ASXL1: variants seen among roughly 807,000 people sequenced by gnomAD.
ASXL1 encodes polycomb group protein ASXL1.
ASXL1 carries 65 observed loss-of-function variants against 89.1 expected under a neutral mutation model. The ratio of observed to expected loss-of-function variants is 0.73; its 90% CI spans 0.60 to 0.90. ASXL1 has a LOEUF of 0.90. ASXL1 is among the 40% of genes least tolerant of loss of function. ASXL1 has a pLI of 0.00. For missense variants in ASXL1, 1,786 were observed against 1,942.9 expected, an observed-to-expected ratio of 0.92 and a Z score of 1.52; for synonymous variants, 739 against 746.9, an observed-to-expected ratio of 0.99 and a Z score of 0.17.
At chr20:32,434,295 T>C in intron 12 of ASXL1, 137 bp from the exon 13 acceptor site, 1 of 1,137,322 alleles carries the variant, frequency 8.8e-7, no homozygotes, top group Non-Finnish European at 1.3e-6. Flanking sequence ...TTTACTATGA[T>C]GATTTCATTG....
intron 4 of ASXL1, 66 bp from the exon 5 acceptor site, chr20:32,428,062 G>T: frequency 1.9e-6 from 3 of 1,604,992 alleles, no homozygotes; most frequent in Non-Finnish European, 1.7e-6. Flanking sequence ...ACACATTTAG[G>T]AATGACTGCC....
intron 4 of ASXL1, among the ~76,000 whole-genome samples, chr20:32,406,478 G>A (rs530485230): frequency 7.2e-4 from 109 of 152,262 alleles, no homozygotes; most frequent in Middle Eastern, 3.4e-3. Flanking sequence ...TTGAGCCCAG[G>A]AGGTCAAGGC....
chr20:32,358,483 G>A lies in ASXL1; in HGVS notation c.-293G>A, dbSNP rs1184855480. On this transcript the variant is annotated 5_prime_UTR_variant, in exon 1 of 13. Coordinates refer to ENST00000375687, the MANE Select transcript of ASXL1 (RefSeq NM_015338.6). ...CGGAGCCGTGACCTCTGACCCCGTG[G>A]TTATGCGGAGCCGCCGCATTCCTTA... 2 of 230,892 alleles carry A rather than the reference G, an allele frequency of 8.7e-6. No homozygotes were observed. Among genetic ancestry groups the A allele is most frequent in the Middle Eastern group, 1.3e-3 (1 of 796 alleles). 14.3% of individuals were successfully genotyped at this position (230,892 alleles called of 1,614,324 possible).
chr20:32,436,952 C>A lies in ASXL1; in HGVS notation c.4240C>A (p.Pro1414Thr), dbSNP rs375106070. 1.2e-6 allele frequency: 2 copies of A among 1,614,034 alleles called. No individual in the cohort carries two copies. The highest frequency in any genetic ancestry group is 1.7e-5 in the Admixed American group (1 of 60,008). Reference sequence around the variant, plus strand: ...CATGGACTTGCCCTTCTGGAAATTACCCCGAGAGCCAGGGAAGGGGCTCAG... The same window carrying A: ...CATGGACTTGCCCTTCTGGAAATTAACCCGAGAGCCAGGGAAGGGGCTCAG... ...FVMDLPFWKL[P>T]REPGKGLSEP... Residue 1414 changes from proline to threonine, a missense_variant, in exon 13 of 13, where the codon CCC becomes ACC. Coordinates refer to ENST00000375687, the MANE Select transcript of ASXL1 (RefSeq NM_015338.6).
At chr20:32,391,629 A>G (rs2048672856) in intron 4 of ASXL1, among the ~76,000 whole-genome samples, 2 of 152,272 alleles carry the variant, frequency 1.3e-5, no homozygotes, top group South Asian at 4.1e-4. Flanking sequence ...AGCTGAGAGT[A>G]CAGGTGTGTG....
intron 4 of ASXL1, among the ~76,000 whole-genome samples, chr20:32,380,423 T>G (rs1222707957): frequency 6.6e-6 from 1 of 152,204 alleles, no homozygotes; most frequent in East Asian, 1.9e-4. Context: ...ACAATTAAAA[T>G]TTTTGTGTAC....
chr20:32,403,445 C>CGGGCTGGGCTGTGT (rs2048908001), intron 4 of ASXL1, among the ~76,000 whole-genome samples: 2 of 152,136 alleles, frequency 1.3e-5, no homozygotes, highest in Non-Finnish European at 2.9e-5. Flanking sequence ...GAGACAGCCT[C>CGGGCTGGGCTGTGT]AGTGTTTTGC....
intron 6 of ASXL1, chr20:32,428,649 A>C (rs1281031962): frequency 1.7e-5 from 3 of 176,904 alleles, no homozygotes; most frequent in East Asian, 8.8e-5. Flanking sequence ...GATTTTGTTC[A>C]TTCTTTTTTT....
At position 32,436,225 on chromosome 20, in the gene ASXL1, G is replaced by C. The variant is rs150391716; in HGVS notation, c.3513G>C (p.Arg1171Ser). ...MVDGSSPSSL[R>S]ALKEPLLPDS... ...ATGGAAGCAGCCCCAGTTCTTTAAG[G>C]GCTTTGAAGGAGCCTCTTCTGCCAG... The change falls in exon 13 of 13, where the codon AGG becomes AGC. Residue 1171 changes from arginine to serine, a missense_variant. Arg to Ser is a moderately radical substitution (Grantham distance 110). Transcript: ENST00000375687. The C allele has an allele frequency of 1.9e-6, 3 of 1,614,192 alleles. No individual in the cohort carries two copies. Among genetic ancestry groups the C allele is most frequent in the Non-Finnish European group, 2.5e-6 (3 of 1,180,036 alleles).
At chr20:32,434,071 G>A in intron 12 of ASXL1, 154 bp downstream of exon 12, 1 of 1,083,584 alleles carries the variant, frequency 9.2e-7, no homozygotes, top group Non-Finnish European at 1.3e-6. Context: ...TTCAAGTTTA[G>A]TGAGATAGGT....
rs377437946 is a variant in ASXL1, at chr20:32,392,268, C to G, written c.252+23145C>G. 3.2e-4 allele frequency among the ~76,000 whole-genome samples: 48 copies of G among 151,260 alleles called. 2 individuals carry two copies. The South Asian group carries it at 9.8e-3, about 31-fold the overall frequency. On this transcript the variant is annotated intron_variant, in intron 4 of 12. Coordinates refer to ENST00000375687, the MANE Select transcript of ASXL1 (RefSeq NM_015338.6). ...AAGCTGGGATTACAGGCGTGTGCCA[C>G]CAAGCCTAGCTGATTTTTTTTTTTT...
intron 4 of ASXL1, among the ~76,000 whole-genome samples, chr20:32,411,536 CTTTTTTT>C (rs749530241): frequency 0.028 from 3,491 of 123,884 alleles, 117 homozygotes; most frequent in Admixed American, 0.1. Flanking sequence ...CCATGGATTC[CTTTTTTT>C]TTTTTTTTTT....
rs191937197 is a variant in ASXL1, at chr20:32,365,378, G to T, written c.58-1006G>T. 2.7e-3 allele frequency among the ~76,000 whole-genome samples: 415 copies of T among 152,260 alleles called. 4 individuals are homozygous for T. Among genetic ancestry groups the T allele is most frequent in the African/African-American group, 9.6e-3 (398 of 41,558 alleles). ...CTTGACTTTGGTGCTGAGGTCTTAT[G>T]TTCTTCCATAGAGAGTACCTTCCGC... is the stretch of plus-strand genomic sequence containing the variant. On this transcript the variant is annotated intron_variant, in intron 1 of 12. Transcript: ENST00000375687.
At position 32,358,801 on chromosome 20, in the gene ASXL1, A is replaced by G. The variant is rs886129274; in HGVS notation, c.26A>G (p.Lys9Arg). The G allele has an allele frequency of 2.7e-6, 4 of 1,509,258 alleles. No homozygotes were observed. Among genetic ancestry groups the G allele is most frequent in the African/African-American group, 1.5e-5 (1 of 68,484 alleles). 93.5% of individuals were successfully genotyped at this position (1,509,258 alleles called of 1,614,324 possible). The change falls in exon 1 of 13, where the codon AAG (lysine) becomes AGG (arginine). Residue 9 changes from lysine to arginine, a missense_variant. Coordinates refer to ENST00000375687, the MANE Select transcript of ASXL1 (RefSeq NM_015338.6). ...ATGAAGGACAAACAGAAGAAGAAGA[A>G]GGAGCGCACGTGGGCCGAGGCCGCG... is the stretch of plus-strand genomic sequence containing the variant. MKDKQKKK[K>R]ERTWAEAARL...
chr20:32,398,110 T>G (rs1043497614), intron 4 of ASXL1, among the ~76,000 whole-genome samples: 1 of 152,254 alleles, frequency 6.6e-6, no homozygotes, highest in Admixed American at 6.5e-5. Flanking sequence ...TTTCTTTCCT[T>G]AGAAAAATAC....
chr20:32,387,153 A>C (rs1268008171), intron 4 of ASXL1, among the ~76,000 whole-genome samples: 1 of 152,042 alleles, frequency 6.6e-6, no homozygotes, highest in Non-Finnish European at 1.5e-5. Flanking sequence ...CAAAAAAACA[A>C]AAATTAACTG....
In ASXL1 at chr20:32,418,809, C is replaced by CTT. The variant is rs71338437; in HGVS notation, c.253-9279_253-9278dup. 9.0e-4 allele frequency among the ~76,000 whole-genome samples: 50 copies of CTT among 55,748 alleles called. 8 individuals carry two copies. The highest frequency in any genetic ancestry group is 1.4e-3 in the East Asian group (2 of 1,462). The allele number at this position is 55,748 out of a possible 152,430, so 36.6% of individuals were successfully genotyped here. A position where few individuals can be genotyped will look rare whatever the true frequency, so the allele number is the denominator to read the frequency against. On this transcript the variant is annotated intron_variant, in intron 4 of 12. Coordinates refer to ENST00000375687, the MANE Select transcript of ASXL1 (RefSeq NM_015338.6). ...AAATCAAAATGGGAAGAATTGACAT[C>CTT]TTTTTTTTTTTTTTTTTTTTTTTTT...
At chr20:32,377,725 T>G (rs2048409256) in intron 4 of ASXL1, among the ~76,000 whole-genome samples, 1 of 151,480 alleles carries the variant, frequency 6.6e-6, no homozygotes, top group South Asian at 2.1e-4. Flanking sequence ...TGGTCTTGGC[T>G]CACTGCAACC....
chr20:32,378,003 T>TGTGTGTGTGTGTGTGTGTGTGTGTGTGTG (rs56248414), intron 4 of ASXL1, among the ~76,000 whole-genome samples: 4 of 144,592 alleles, frequency 2.8e-5, no homozygotes, highest in Non-Finnish European at 4.6e-5. Context: ...TGTGTGTGTG[T>TGTGTGTGTGTGTGTGTGTGTGTGTGTGTG]TTTGGAGACA....
Sources: gnomAD v4.1 joint callset for allele counts (sites outside exome capture counted in the v4.1 genomes callset) on GRCh38, gnomAD v4.1.1 for gene constraint, MANE v1.5 for transcripts, NCBI Gene and HGNC (gene_info 2026-07-23, HGNC 2026-07-21) for gene names.